Variants in KIAA1549L observed in about 807,000 individuals in gnomAD.
KIAA1549L encodes the protein KIAA1549 like.
KIAA1549L carries 88 observed loss-of-function variants against 160.7 expected under a neutral mutation model. The observed-to-expected ratio is 0.55, with a 90% CI of 0.46 to 0.65. The LOEUF (loss-of-function observed/expected upper bound fraction) is 0.65. Ranked by LOEUF, KIAA1549L falls within the 30% of genes least tolerant of loss-of-function variation. KIAA1549L has a pLI of 0.00. For missense variants in KIAA1549L, 2,258 were observed against 2,437.5 expected, an observed-to-expected ratio of 0.93 and a Z score of 1.55; for synonymous variants, 950 against 976.7, an observed-to-expected ratio of 0.97 and a Z score of 0.51.
chr11:33,651,034 T>C (rs1851868788), intron 17 of KIAA1549L, among the ~76,000 whole-genome samples: 1 of 152,182 alleles, frequency 6.6e-6, no homozygotes, highest in Non-Finnish European at 1.5e-5. Context: ...GCATCTAACC[T>C]CTTGCTTCCT....
intron 1 of KIAA1549L, among the ~76,000 whole-genome samples, chr11:33,391,619 C>T (rs891094940): frequency 1.3e-5 from 2 of 152,182 alleles, no homozygotes; most frequent in African/African-American, 4.8e-5. Flanking sequence ...GTCTTGGCTT[C>T]AGTGTGCTGC....
At chr11:33,457,956 A>T in intron 1 of KIAA1549L, among the ~76,000 whole-genome samples, 1 of 152,168 alleles carries the variant, frequency 6.6e-6, no homozygotes, top group East Asian at 1.9e-4. Context: ...TGCTCTGGAT[A>T]CCCAGGACCC....
intron 11 of KIAA1549L, among the ~76,000 whole-genome samples, chr11:33,588,887 G>A (rs533771881): frequency 6.6e-6 from 1 of 152,236 alleles, no homozygotes; most frequent in Non-Finnish European, 1.5e-5. Context: ...AGCTGTCCAT[G>A]GCAAAGCTAT....
At chr11:33,398,515 C>G (rs2134061076) in intron 1 of KIAA1549L, among the ~76,000 whole-genome samples, 1 of 152,230 alleles carries the variant, frequency 6.6e-6, no homozygotes, top group East Asian at 1.9e-4. Flanking sequence ...ATGGCATGAG[C>G]TATAGTAAAA....
chr11:33,572,122 C>T (rs534127372), intron 9 of KIAA1549L, among the ~76,000 whole-genome samples: 6 of 151,970 alleles, frequency 3.9e-5, no homozygotes, highest in Admixed American at 1.3e-4. Context: ...CTGCAACCTC[C>T]GCCTCCCAGG....
intron 12 of KIAA1549L, among the ~76,000 whole-genome samples, chr11:33,595,839 G>A (rs1850184722): frequency 6.6e-6 from 1 of 152,128 alleles, no homozygotes; most frequent in African/African-American, 2.4e-5. Context: ...GTGGTTTGAT[G>A]GTTAAGATAT....
At chr11:33,630,629 C>G (rs186616267) in intron 16 of KIAA1549L, among the ~76,000 whole-genome samples, 1 of 152,260 alleles carries the variant, frequency 6.6e-6, no homozygotes, top group Non-Finnish European at 1.5e-5. Flanking sequence ...ATGCCTCGCC[C>G]TGCTTCGGCT....
At chr11:33,582,637 A>G (rs1855680869) in intron 10 of KIAA1549L, among the ~76,000 whole-genome samples, 1 of 152,204 alleles carries the variant, frequency 6.6e-6, no homozygotes, top group South Asian at 2.1e-4. Flanking sequence ...TCTCTATCAT[A>G]CTACAGAGCA....
intron 1 of KIAA1549L, among the ~76,000 whole-genome samples, chr11:33,517,835 G>T: frequency 6.6e-6 from 1 of 152,010 alleles, no homozygotes; most frequent in East Asian, 1.9e-4. Context: ...AGAACTTAGA[G>T]ATTAAGAAAC....
chr11:33,655,571 T>G (rs1434834001), intron 17 of KIAA1549L, among the ~76,000 whole-genome samples: 1 of 152,248 alleles, frequency 6.6e-6, no homozygotes, highest in African/African-American at 2.4e-5. Flanking sequence ...GCCCTTGCCC[T>G]TATTACACTC....
intron 11 of KIAA1549L, among the ~76,000 whole-genome samples, chr11:33,589,594 A>C (rs939922539): frequency 6.6e-6 from 1 of 152,238 alleles, no homozygotes; most frequent in African/African-American, 2.4e-5. Context: ...AAAAATGAAG[A>C]GTTCATGTCC....
chr11:33,450,101 A>G (rs1851689292), intron 1 of KIAA1549L, among the ~76,000 whole-genome samples: 1 of 152,236 alleles, frequency 6.6e-6, no homozygotes, highest in Admixed American at 6.5e-5. Flanking sequence ...TCAGTCTGAT[A>G]ACACTCAAGC....
chr11:33,573,840 T>C (rs546746964), intron 9 of KIAA1549L, among the ~76,000 whole-genome samples: 11 of 152,336 alleles, frequency 7.2e-5, no homozygotes, highest in African/African-American at 2.6e-4. Flanking sequence ...TGATTATCAA[T>C]TGTTAATTAC....
rs1051251656 is a variant in KIAA1549L, at chr11:33,660,171, C to T, written c.6008-692C>T. Among the ~76,000 whole-genome samples, 5 of 120,860 alleles carry T rather than the reference C, an allele frequency of 4.1e-5. No homozygotes were observed. In the East Asian group the frequency reaches 1.0e-3, roughly 24 times the overall value. The allele number at this position is 120,860 out of a possible 152,430, so 79.3% of individuals were successfully genotyped here. A position where few individuals can be genotyped will look rare whatever the true frequency, so the allele number is the denominator to read the frequency against. On this transcript the variant is annotated intron_variant, in intron 19 of 20. Transcript: ENST00000658780. ...AGGTGAGTACAGACTCCACCCCTGG[C>T]AAAGGGAATACTGTCTGGACTTTAG...
In KIAA1549L at chr11:33,446,725, T is replaced by C. The variant is rs571549658; in HGVS notation, c.238+69836T>C. ...ACATGTCTAAGATGGCTCACTCATA[T>C]GACTGGAACATTGCTTCTTTTCCAC... is the stretch of plus-strand genomic sequence containing the variant. On this transcript the variant is annotated intron_variant, in intron 1 of 20. Coordinates refer to ENST00000658780, the MANE Select transcript of KIAA1549L (RefSeq NM_012194.3). Among the ~76,000 whole-genome samples the C allele has an allele frequency of 5.3e-5, 8 of 152,298 alleles. No homozygotes were observed. The South Asian group carries it at 1.7e-3, about 32-fold the overall frequency.
chr11:33,628,302 C>T (rs1029395302), intron 16 of KIAA1549L, among the ~76,000 whole-genome samples: 15 of 151,848 alleles, frequency 9.9e-5, no homozygotes, highest in Admixed American at 2.0e-4. Context: ...CTATTAGGTC[C>T]GCTTGGTGCA....
intron 1 of KIAA1549L, among the ~76,000 whole-genome samples, chr11:33,419,142 G>C (rs888958912): frequency 1.3e-5 from 2 of 152,058 alleles, no homozygotes; most frequent in African/African-American, 4.8e-5. Context: ...CAAAGTGCTG[G>C]GATTACAGGC....
At chr11:33,613,904 A>T (rs894856794) in intron 15 of KIAA1549L, among the ~76,000 whole-genome samples, 1 of 152,216 alleles carries the variant, frequency 6.6e-6, no homozygotes, top group South Asian at 2.1e-4. Context: ...CCAGAGACAC[A>T]AAGTACATAA....
chr11:33,422,558 CCTCT>C (rs1422860606), intron 1 of KIAA1549L, among the ~76,000 whole-genome samples: 11 of 116,948 alleles, frequency 9.4e-5, no homozygotes, highest in South Asian at 8.1e-4. Context: ...TTCCCCCCCT[CCTCT>C]CCCTCCCTCC....
Sources: allele counts gnomAD v4.1 joint callset (sites outside exome capture counted in the v4.1 genomes callset), GRCh38; gene constraint gnomAD v4.1.1; transcripts MANE v1.5; gene names NCBI Gene and HGNC (gene_info 2026-07-23, HGNC 2026-07-21).